KLHL29: variants seen among roughly 807,000 people sequenced by gnomAD.
KLHL29 encodes kelch like family member 29.
Under a neutral mutation model 80.4 loss-of-function variants are expected in KLHL29, and 21 were observed. That is an observed-to-expected ratio of 0.26 (90% CI 0.19 to 0.38). KLHL29 has a LOEUF of 0.38. Ranked by LOEUF, KLHL29 falls within the 10% of genes least tolerant of loss-of-function variation. The probability of loss-of-function intolerance (pLI) is 1.00; values close to 1 mark genes in which losing one functional copy is unlikely to be tolerated. For synonymous variants in KLHL29, 511 were observed against 526.8 expected, an observed-to-expected ratio of 0.97 and a Z score of 0.41; for missense variants, 867 against 1,223.9, an observed-to-expected ratio of 0.71 and a Z score of 4.35.
intron 3 of KLHL29, among the ~76,000 whole-genome samples, chr2:23,590,799 C>T (rs1280661704): frequency 1.3e-5 from 2 of 152,154 alleles, no homozygotes; most frequent in African/African-American, 4.8e-5. Flanking sequence ...ATCAAGTGGT[C>T]GTTTATTCAG....
At chr2:23,428,058 C>T (rs1048657829) in intron 1 of KLHL29, among the ~76,000 whole-genome samples, 4 of 152,190 alleles carry the variant, frequency 2.6e-5, no homozygotes, top group Non-Finnish European at 5.9e-5. Flanking sequence ...TGATTGGTGT[C>T]GAAATATGTC....
intron 2 of KLHL29, among the ~76,000 whole-genome samples, chr2:23,532,362 A>G (rs1666517987): frequency 6.6e-6 from 1 of 152,200 alleles, no homozygotes; most frequent in African/African-American, 2.4e-5. Flanking sequence ...GCAAGGAGAA[A>G]AAGTACTCTG....
intron 3 of KLHL29, among the ~76,000 whole-genome samples, chr2:23,634,133 G>A (rs983003880): frequency 1.1e-4 from 16 of 152,096 alleles, no homozygotes; most frequent in East Asian, 3.9e-4. Context: ...CCTGGTACAC[G>A]GTGGTGCCCC....
chr2:23,557,599 A>G (rs1041138727), intron 2 of KLHL29, among the ~76,000 whole-genome samples: 7 of 152,038 alleles, frequency 4.6e-5, no homozygotes, highest in African/African-American at 1.7e-4. Flanking sequence ...CCAGAACTGT[A>G]AGGCGCGGGC....
intron 6 of KLHL29, among the ~76,000 whole-genome samples, chr2:23,688,282 T>C (rs1671367611): frequency 1.3e-5 from 2 of 152,192 alleles, no homozygotes; most frequent in African/African-American, 4.8e-5. Context: ...CGTTCATTCA[T>C]GGGCGGAGTC....
At chr2:23,465,287 A>G (rs1003045555) in intron 1 of KLHL29, among the ~76,000 whole-genome samples, 4 of 152,178 alleles carry the variant, frequency 2.6e-5, no homozygotes, top group African/African-American at 9.7e-5. Context: ...TGCTAGAGCA[A>G]ACAGGAGGCT....
At chr2:23,439,127 G>A (rs1017122127) in intron 1 of KLHL29, among the ~76,000 whole-genome samples, 3 of 150,442 alleles carry the variant, frequency 2.0e-5, no homozygotes, top group African/African-American at 7.4e-5. Context: ...TCTGATGGTA[G>A]TTTGTATTTC....
chr2:23,656,216 C>T (rs1224283259), intron 5 of KLHL29, among the ~76,000 whole-genome samples: 4 of 152,198 alleles, frequency 2.6e-5, no homozygotes, highest in Non-Finnish European at 4.4e-5. Context: ...AGTGCCTACC[C>T]GCCAAGGGGA....
intron 3 of KLHL29, among the ~76,000 whole-genome samples, chr2:23,602,551 C>T (rs1232340885): frequency 1.3e-5 from 2 of 151,426 alleles, no homozygotes; most frequent in East Asian, 1.9e-4. Flanking sequence ...GTGACTGTGG[C>T]TTAAAAGCAG....
chr2:23,629,621 C>T (rs1031867049), intron 3 of KLHL29, among the ~76,000 whole-genome samples: 2 of 152,042 alleles, frequency 1.3e-5, no homozygotes, highest in African/African-American at 2.4e-5. Flanking sequence ...TTCCAGAGCA[C>T]GGTGCAAAAA....
At chr2:23,526,894 A>G (rs1318071499) in intron 2 of KLHL29, among the ~76,000 whole-genome samples, 1 of 152,162 alleles carries the variant, frequency 6.6e-6, no homozygotes. Context: ...CACCACCACC[A>G]GCAGAGCCGG....
intron 5 of KLHL29, chr2:23,670,409 G>C (rs182105497): frequency 5.9e-5 from 9 of 152,432 alleles, no homozygotes; most frequent in African/African-American, 2.2e-4. Context: ...GGTGTGATGG[G>C]CAGGGGGGTG....
At chr2:23,494,559 C>T (rs1027632004) in intron 2 of KLHL29, among the ~76,000 whole-genome samples, 12 of 152,186 alleles carry the variant, frequency 7.9e-5, no homozygotes, top group African/African-American at 2.2e-4. Context: ...CGTGAATATC[C>T]ATCAGGCACG....
At chr2:23,418,173 A>G (rs1170958935) in intron 1 of KLHL29, among the ~76,000 whole-genome samples, 2 of 152,074 alleles carry the variant, frequency 1.3e-5, no homozygotes, top group African/African-American at 4.8e-5. Flanking sequence ...GGGCTTTCCA[A>G]ACTGAAGAGG....
chr2:23,498,353 G>A (rs542980036), intron 2 of KLHL29, among the ~76,000 whole-genome samples: 11 of 152,274 alleles, frequency 7.2e-5, no homozygotes, highest in Non-Finnish European at 1.0e-4. Context: ...CCTCCATACC[G>A]AGTGGGCTGG....
chr2:23,645,405 C>G (rs1423027645), intron 5 of KLHL29, among the ~76,000 whole-genome samples: 1 of 151,948 alleles, frequency 6.6e-6, no homozygotes, highest in Non-Finnish European at 1.5e-5. Flanking sequence ...TGGCTCCAGG[C>G]AGGAACAGGA....
At chr2:23,623,162 AG>A (rs1187513003) in intron 3 of KLHL29, among the ~76,000 whole-genome samples, 2 of 152,058 alleles carry the variant, frequency 1.3e-5, no homozygotes, top group African/African-American at 4.8e-5. Context: ...GTCTCATGTG[AG>A]GTGGCCTGGG....
rs971106611 is a variant in KLHL29 at position 23,441,970 on chromosome 2, C to G, written c.-153-33590C>G. Among the ~76,000 whole-genome samples the G allele has an allele frequency of 1.6e-4, 24 of 152,222 alleles. 1 individual carries two copies. The highest frequency in any genetic ancestry group is 8.3e-4 in the South Asian group (4 of 4,824). ...CTCCCAAAGATGTCCATGTCCTAAT[C>G]GCAGAAAACTGAGTATGTTATCTTA... On this transcript the variant is annotated intron_variant, in intron 1 of 13. Coordinates refer to ENST00000486442, the MANE Select transcript of KLHL29 (RefSeq NM_052920.2).
At chr2:23,648,262 T>C (rs1361873926) in intron 5 of KLHL29, among the ~76,000 whole-genome samples, 1 of 152,226 alleles carries the variant, frequency 6.6e-6, no homozygotes, top group African/African-American at 2.4e-5. Flanking sequence ...GGGAGAAGAC[T>C]AGAACCCACT....
Sources: gnomAD v4.1 joint callset for allele counts (sites outside exome capture counted in the v4.1 genomes callset) on GRCh38, gnomAD v4.1.1 for gene constraint, MANE v1.5 for transcripts, NCBI Gene and HGNC (gene_info 2026-07-23, HGNC 2026-07-21) for gene names.